ANKS1B: variants seen among roughly 807,000 people sequenced by gnomAD.
ANKS1B encodes the protein ankyrin repeat and sterile alpha motif domain containing 1B.
A neutral mutation model predicts 148.3 loss-of-function variants in ANKS1B; 36 were observed. The ratio of observed to expected loss-of-function variants is 0.24; its 90% confidence interval spans 0.19 to 0.32. The LOEUF (loss-of-function observed/expected upper bound fraction) is 0.32. Among genes scored for constraint, ANKS1B ranks in the 10% least tolerant of loss-of-function variants. The probability of loss-of-function intolerance (pLI) is 1.00; values close to 1 mark genes in which losing one functional copy is unlikely to be tolerated. For missense variants in ANKS1B, 1,157 were observed against 1,542.6 expected (o/e 0.75, Z 4.19); for synonymous variants, 542 against 560.8 (o/e 0.97, Z 0.47).
At chr12:99,321,466 C>T (rs1302873660) in intron 12 of ANKS1B, among the ~76,000 whole-genome samples, 1 of 152,204 alleles carries the variant, frequency 6.6e-6, no homozygotes, top group Non-Finnish European at 1.5e-5. Context: ...GCTGTGCTAG[C>T]AGTGAGTGAG....
intron 12 of ANKS1B, among the ~76,000 whole-genome samples, chr12:99,366,808 G>A (rs2092796031): frequency 1.3e-5 from 2 of 151,650 alleles, no homozygotes; most frequent in African/African-American, 2.4e-5. Flanking sequence ...CTCAAAATAC[G>A]GAAGCAATAA....
chr12:99,828,355 A>G (rs2083464997), intron 1 of ANKS1B, among the ~76,000 whole-genome samples: 1 of 152,148 alleles, frequency 6.6e-6, no homozygotes, highest in African/African-American at 2.4e-5. Context: ...ACTGCACTTC[A>G]CAAGCAGACA....
intron 8 of ANKS1B, among the ~76,000 whole-genome samples, chr12:99,748,917 T>C (rs2153591618): frequency 6.6e-6 from 1 of 152,222 alleles, no homozygotes; most frequent in Admixed American, 6.5e-5. Flanking sequence ...TCCTACTGAA[T>C]TAACAAATCC....
At chr12:99,412,679 T>C (rs940089739) in intron 11 of ANKS1B, among the ~76,000 whole-genome samples, 1 of 152,172 alleles carries the variant, frequency 6.6e-6, no homozygotes, top group African/African-American at 2.4e-5. Flanking sequence ...GTTAATTTTG[T>C]ATTTATTTTT....
intron 12 of ANKS1B, among the ~76,000 whole-genome samples, chr12:99,315,337 CA>C (rs1032136236): frequency 6.6e-5 from 10 of 151,002 alleles, no homozygotes; most frequent in African/African-American, 2.4e-4. Context: ...GTCTAATATG[CA>C]AAAGTTAAAG....
intron 12 of ANKS1B, among the ~76,000 whole-genome samples, chr12:99,267,350 ACTCT>A (rs143547878): frequency 1.3e-5 from 2 of 148,364 alleles, no homozygotes; most frequent in African/African-American, 2.5e-5. Context: ...TTCTCTCCTG[ACTCT>A]CTCTCTCTCT....
intron 17 of ANKS1B, among the ~76,000 whole-genome samples, chr12:98,951,200 A>T (rs552836412): frequency 2.0e-5 from 3 of 152,272 alleles, no homozygotes; most frequent in African/African-American, 7.2e-5. Context: ...TATCCTGGCC[A>T]GTCTTCCTGG....
intron 17 of ANKS1B, among the ~76,000 whole-genome samples, chr12:98,962,594 G>A (rs2099873367): frequency 6.6e-6 from 1 of 151,936 alleles, no homozygotes; most frequent in Non-Finnish European, 1.5e-5. Flanking sequence ...CAGACCAAAT[G>A]CCCTTAATAG....
intron 11 of ANKS1B, among the ~76,000 whole-genome samples, chr12:99,417,779 C>T (rs55675355): frequency 0.16 from 23,778 of 151,866 alleles, 2,233 homozygotes; most frequent in African/African-American, 0.26. Flanking sequence ...CACCGAGGCT[C>T]ATAATCAAAC....
intron 19 of ANKS1B, among the ~76,000 whole-genome samples, chr12:98,819,098 A>G (rs770530408): frequency 6.6e-6 from 1 of 152,226 alleles, no homozygotes; most frequent in Non-Finnish European, 1.5e-5. Flanking sequence ...AGCACATTAC[A>G]TAGTTGAAAA....
intron 14 of ANKS1B, among the ~76,000 whole-genome samples, chr12:99,220,344 CAT>C (rs1279428963): frequency 6.7e-6 from 1 of 150,340 alleles, no homozygotes; most frequent in Admixed American, 6.6e-5. Context: ...GATGTTGACA[CAT>C]GAGTAAATAT....
intron 19 of ANKS1B, among the ~76,000 whole-genome samples, chr12:98,821,457 G>T (rs918742439): frequency 2.6e-5 from 4 of 152,130 alleles, no homozygotes; most frequent in African/African-American, 9.7e-5. Flanking sequence ...ACCACCCCTG[G>T]TGTGGGACCT....
Position 99,340,469 on chromosome 12 carries a change from T to C in ANKS1B, c.1756+59162A>G, listed in dbSNP as rs12578977. Among the ~76,000 whole-genome samples the C allele has an allele frequency of 3.5e-3, 533 of 152,190 alleles. 33 individuals are homozygous for C. The East Asian group carries it at 0.084, about 24-fold the overall frequency. On this transcript the variant is annotated intron_variant, in intron 12 of 26. Coordinates refer to ENST00000683438, the MANE Select transcript of ANKS1B (RefSeq NM_001352186.2). ...AGAAATGCATCATTAGGCAATTCCA[T>C]CACTATGCAAAACAAACATCAAAGA...
chr12:99,331,484 A>T (rs2087545077), intron 12 of ANKS1B, among the ~76,000 whole-genome samples: 1 of 151,988 alleles, frequency 6.6e-6, no homozygotes, highest in Non-Finnish European at 1.5e-5. Context: ...TTAATCAGTC[A>T]ACAATATGAA....
rs118180122 is a variant in ANKS1B at position 99,146,001 on chromosome 12, T to G, written c.2526+8288A>C. On this transcript the variant is annotated intron_variant, in intron 15 of 26. Transcript: ENST00000683438. ...TAGCATGGGATAATTTATATGGAAT[T>G]TTATAGAATATATGGAACTATATAG... 1.5e-3 allele frequency among the ~76,000 whole-genome samples: 225 copies of G among 152,158 alleles called. 1 individual carries two copies. Among genetic ancestry groups the G allele is most frequent in the Non-Finnish European group, 2.4e-3 (163 of 67,980 alleles).
In ANKS1B at chr12:99,906,138, T is replaced by A. The variant is rs78362542; in HGVS notation, c.134+77966A>T. Among the ~76,000 whole-genome samples, 48 of 152,320 alleles carry A rather than the reference T, an allele frequency of 3.2e-4. No homozygotes were observed. The East Asian group carries it at 9.1e-3, about 29-fold the overall frequency. On this transcript the variant is annotated intron_variant, in intron 1 of 26. Coordinates refer to ENST00000683438, the MANE Select transcript of ANKS1B (RefSeq NM_001352186.2). Reference sequence around the variant, plus strand: ...TGTTCTGGCCACACTCAGAAATTCTTAGGAGTAGACCAGGCATCTGTATGT... The same window carrying A: ...TGTTCTGGCCACACTCAGAAATTCTAAGGAGTAGACCAGGCATCTGTATGT...
intron 8 of ANKS1B, among the ~76,000 whole-genome samples, chr12:99,688,703 C>T (rs1370841510): frequency 1.3e-5 from 2 of 152,036 alleles, no homozygotes; most frequent in African/African-American, 4.8e-5. Flanking sequence ...TAGTGGTGCA[C>T]ACCTGTAGTC....
At chr12:99,822,297 A>T (rs894131567) in intron 2 of ANKS1B, among the ~76,000 whole-genome samples, 2 of 152,172 alleles carry the variant, frequency 1.3e-5, no homozygotes, top group Non-Finnish European at 2.9e-5. Context: ...TTTAAAAAAT[A>T]ATTTCAACTT....
Position 98,744,966 on chromosome 12 carries a change from G to C in ANKS1B, c.*773C>G. The C allele has an allele frequency of 2.0e-6, 2 of 985,742 alleles. No individual in the cohort carries two copies. The highest frequency in any genetic ancestry group is 1.2e-6 in the Non-Finnish European group (1 of 829,912). The allele number at this position is 985,742 out of a possible 1,614,324, so 61.1% of individuals were successfully genotyped here. On this transcript the variant is annotated 3_prime_UTR_variant, in exon 27 of 27. Coordinates refer to ENST00000683438, the MANE Select transcript of ANKS1B (RefSeq NM_001352186.2). ...AGTAGCAGTAGAAATTTAATTATTTGAAATGAAACCAGAAACATCCCTCGC... is the reference window on the plus strand; with the variant it reads ...AGTAGCAGTAGAAATTTAATTATTTCAAATGAAACCAGAAACATCCCTCGC...
Sources: gnomAD v4.1 joint callset for allele counts (sites outside exome capture counted in the v4.1 genomes callset) on GRCh38, gnomAD v4.1.1 for gene constraint, MANE v1.5 for transcripts, NCBI Gene and HGNC (gene_info 2026-07-23, HGNC 2026-07-21) for gene names.